DUSP26: variants seen among roughly 807,000 people sequenced by gnomAD.
DUSP26 encodes the protein dual specificity protein phosphatase 26.
Under a neutral mutation model 20.0 loss-of-function variants are expected in DUSP26, and 12 were observed. The observed-to-expected ratio is 0.60, with a 90% CI of 0.38 to 0.97. The LOEUF (loss-of-function observed/expected upper bound fraction) is 0.97. Among genes scored for constraint, DUSP26 ranks in the 50% least tolerant of loss-of-function variants. DUSP26 has a pLI of 0.00. For missense variants in DUSP26, 230 were observed against 294.0 expected (o/e 0.78, Z 1.59); for synonymous variants, 120 against 118.8 (o/e 1.01, Z -0.06).
intron 1 of DUSP26, among the ~76,000 whole-genome samples, chr8:33,599,416 T>G (rs1585381833): frequency 1.3e-5 from 2 of 151,788 alleles, no homozygotes; most frequent in Non-Finnish European, 1.5e-5. Flanking sequence ...CCAGGGGCCC[T>G]GGCCCGCCGC....
intron 2 of DUSP26, among the ~76,000 whole-genome samples, chr8:33,596,312 T>A (rs1283391251): frequency 6.6e-6 from 1 of 150,458 alleles, no homozygotes; most frequent in Non-Finnish European, 1.5e-5. Context: ...GCACGGTGGC[T>A]CACACCTATA....
intron 2 of DUSP26, among the ~76,000 whole-genome samples, chr8:33,595,678 C>T (rs1266957064): frequency 1.3e-5 from 2 of 152,080 alleles, no homozygotes; most frequent in Admixed American, 1.3e-4. Flanking sequence ...CATGCCCGGC[C>T]ACATTTACCC....
intron 2 of DUSP26, among the ~76,000 whole-genome samples, chr8:33,596,549 T>TTG (rs1811150572): frequency 6.6e-6 from 1 of 152,068 alleles, no homozygotes; most frequent in Admixed American, 6.6e-5. Context: ...GCCACTGCAC[T>TTG]CCAGCCTGGG....
chr8:33,595,717 A>G (rs1457301366), intron 2 of DUSP26, among the ~76,000 whole-genome samples: 1 of 152,030 alleles, frequency 6.6e-6, no homozygotes, highest in Non-Finnish European at 1.5e-5. Context: ...TCAGGTGTTC[A>G]TCCGGCCCAG....
At chr8:33,594,479 C>T (rs546138623) in intron 2 of DUSP26, among the ~76,000 whole-genome samples, 47 of 151,500 alleles carry the variant, frequency 3.1e-4, no homozygotes, top group African/African-American at 1.1e-3. Flanking sequence ...GTAGTCCCAG[C>T]TACTCAGGAG....
intron 1 of DUSP26, among the ~76,000 whole-genome samples, chr8:33,598,677 T>G (rs1472074162): frequency 2.0e-5 from 3 of 152,134 alleles, no homozygotes; most frequent in Admixed American, 1.3e-4. Context: ...CCTGTTGAGC[T>G]GCAGAGCTGG....
At chr8:33,598,486 A>AG (rs1312189843) in intron 1 of DUSP26, among the ~76,000 whole-genome samples, 1 of 3,180 alleles carries the variant, frequency 3.1e-4, no homozygotes, top group South Asian at 7.1e-3. Flanking sequence ...TCTTGAGGGG[A>AG]GGGGGGACAG....
chr8:33,592,235 A>G, intron 3 of DUSP26, 23 bp from the exon 4 acceptor site: 1 of 1,573,042 alleles, frequency 6.4e-7, no homozygotes, highest in East Asian at 2.3e-5. Flanking sequence ...ACACAGAGAG[A>G]GCTTTGAGAC....
At chr8:33,595,358 T>G (rs145228814) in intron 2 of DUSP26, among the ~76,000 whole-genome samples, 1,578 of 151,158 alleles carry the variant, frequency 0.01, 20 homozygotes, top group African/African-American at 0.033. Context: ...TGTGTTTTTT[T>G]TTGTTGTTGT....
rs769353438 is a variant in DUSP26 at position 33,592,003 on chromosome 8, C to T, written c.*10G>A. On this transcript the variant is annotated 3_prime_UTR_variant, in exon 4 of 4. Transcript: ENST00000256261. ...CCCACGGGCCTGGCCTGACCTCTCTCCCCCTCCCCTCATGCTTCCAGACCC... is the reference window on the plus strand; with the variant it reads ...CCCACGGGCCTGGCCTGACCTCTCTTCCCCTCCCCTCATGCTTCCAGACCC... 3.7e-6 allele frequency: 6 copies of T among 1,612,658 alleles called. No homozygotes were observed. The Admixed American group carries it at 8.3e-5, about 22-fold the overall frequency.
intron 1 of DUSP26, chr8:33,597,818 G>A: frequency 3.3e-6 from 1 of 298,564 alleles, no homozygotes; most frequent in Middle Eastern, 1.1e-3. Context: ...TTGTTTACGG[G>A]GAGAGGGAGC....
intron 3 of DUSP26, 76 bp from the exon 4 acceptor site, chr8:33,592,288 G>T (rs368958192): frequency 1.4e-6 from 2 of 1,404,692 alleles, no homozygotes; most frequent in Non-Finnish European, 1.9e-6. Context: ...GGGTGACATG[G>T]GGCCGGGCAT....
intron 2 of DUSP26, among the ~76,000 whole-genome samples, chr8:33,595,873 G>A (rs1330547835): frequency 6.6e-6 from 1 of 152,080 alleles, no homozygotes; most frequent in African/African-American, 2.4e-5. Flanking sequence ...TACAACCCGT[G>A]TGACCTTGGC....
At chr8:33,595,625 C>T (rs192183893) in intron 2 of DUSP26, among the ~76,000 whole-genome samples, 10 of 151,940 alleles carry the variant, frequency 6.6e-5, no homozygotes, top group African/African-American at 1.2e-4. Flanking sequence ...GTGATCCATC[C>T]GCCTAAGTAT....
intron 3 of DUSP26, among the ~76,000 whole-genome samples, chr8:33,592,676 G>A (rs1811050206): frequency 6.6e-6 from 1 of 152,000 alleles, no homozygotes. Flanking sequence ...AAGGGGAGAG[G>A]CCTGGACAGA....
chr8:33,594,279 TA>T (rs1270069378), intron 2 of DUSP26, among the ~76,000 whole-genome samples: 1 of 151,394 alleles, frequency 6.6e-6, no homozygotes, highest in Non-Finnish European at 1.5e-5. Context: ...GGGGATGGGG[TA>T]AAAATAGCCA....
intron 3 of DUSP26, 35 bp downstream of exon 3, chr8:33,593,498 C>T: frequency 3.1e-6 from 5 of 1,596,564 alleles, no homozygotes; most frequent in Non-Finnish European, 4.3e-6. Context: ...TTCCAGGCAC[C>T]CTGTTCTTTC....
At chr8:33,594,073 G>T (rs1038639870) in intron 2 of DUSP26, among the ~76,000 whole-genome samples, 1 of 151,864 alleles carries the variant, frequency 6.6e-6, no homozygotes, top group Non-Finnish European at 1.5e-5. Context: ...TCCCGCCTCG[G>T]CCTTCCAAAG....
chr8:33,593,301 A>G (rs1811065865), intron 3 of DUSP26, among the ~76,000 whole-genome samples: 1 of 152,112 alleles, frequency 6.6e-6, no homozygotes, highest in African/African-American at 2.4e-5. Context: ...AGTCGATCAC[A>G]TATAATCTTG....
Sources: gnomAD v4.1 joint callset for allele counts (sites outside exome capture counted in the v4.1 genomes callset) on GRCh38, gnomAD v4.1.1 for gene constraint, MANE v1.5 for transcripts, NCBI Gene and HGNC (gene_info 2026-07-23, HGNC 2026-07-21) for gene names.